The following SYNGR1 variants were observed in gnomAD, a reference collection of about 807,000 sequenced individuals.
SYNGR1 encodes the protein synaptogyrin 1, also known as synaptogyrin-1.
SYNGR1 carries 14 observed loss-of-function variants against 26.1 expected under a neutral mutation model. The observed-to-expected ratio is 0.54, with a 90% CI of 0.35 to 0.84. The LOEUF (loss-of-function observed/expected upper bound fraction) is 0.84, where lower values mean the gene tolerates loss of function less well. SYNGR1 is among the 40% of genes least tolerant of loss of function. The pLI, the probability that SYNGR1 is intolerant of heterozygous loss-of-function variation, is 0.01. For synonymous variants in SYNGR1, 141 were observed against 150.1 expected, an observed-to-expected ratio of 0.94 and a Z score of 0.44; for missense variants, 319 against 332.9, an observed-to-expected ratio of 0.96 and a Z score of 0.33.
At chr22:39,354,285 G>A (rs1459890270) in intron 1 of SYNGR1, among the ~76,000 whole-genome samples, 1 of 152,224 alleles carries the variant, frequency 6.6e-6, no homozygotes, top group African/African-American at 2.4e-5. Context: ...TAAGTGGGGT[G>A]GGTATCTTCC....
intron 1 of SYNGR1, among the ~76,000 whole-genome samples, chr22:39,359,215 C>G (rs909511909): frequency 2.6e-5 from 4 of 151,940 alleles, no homozygotes; most frequent in Admixed American, 2.0e-4. Flanking sequence ...CCTTCTGGTT[C>G]CTGAGGCCAC....
chr22:39,364,739 G>C (rs898150508), intron 1 of SYNGR1, among the ~76,000 whole-genome samples: 1 of 152,194 alleles, frequency 6.6e-6, no homozygotes, highest in East Asian at 1.9e-4. Context: ...GCTGCATAGG[G>C]TGGGGAGGGG....
intron 1 of SYNGR1, among the ~76,000 whole-genome samples, chr22:39,357,986 C>T (rs1924250909): frequency 6.6e-6 from 1 of 152,276 alleles, no homozygotes; most frequent in Admixed American, 6.5e-5. Context: ...GGAGTGCGAG[C>T]GCACGGCGCG....
intron 1 of SYNGR1, among the ~76,000 whole-genome samples, chr22:39,352,101 A>G (rs1923930962): frequency 6.6e-6 from 1 of 152,210 alleles, no homozygotes; most frequent in Admixed American, 6.5e-5. Flanking sequence ...GTGGCAGACG[A>G]GCATTTGAGC....
intron 1 of SYNGR1, among the ~76,000 whole-genome samples, chr22:39,355,519 T>TA (rs1487776754): frequency 1.1e-4 from 16 of 152,202 alleles, no homozygotes; most frequent in Non-Finnish European, 2.2e-4. Context: ...TGGGAGGTGA[T>TA]AGATTTCTGC....
chr22:39,380,387 GTCTTCGGTGACCCAGGCA>G (rs1280507673), intron 3 of SYNGR1, among the ~76,000 whole-genome samples: 3 of 152,086 alleles, frequency 2.0e-5, no homozygotes, highest in Non-Finnish European at 4.4e-5. Context: ...GGCTCCAGAG[GTCTTCGGTGACCCAGGCA>G]TCTTTCCTTT....
intron 1 of SYNGR1, among the ~76,000 whole-genome samples, chr22:39,360,860 G>A (rs1924438294): frequency 6.6e-6 from 1 of 152,248 alleles, no homozygotes; most frequent in African/African-American, 2.4e-5. Flanking sequence ...GCCTGGCAGA[G>A]CAGAGACGAG....
chr22:39,372,958 A>G (rs1199921380), intron 1 of SYNGR1, among the ~76,000 whole-genome samples: 1 of 152,026 alleles, frequency 6.6e-6, no homozygotes, highest in Non-Finnish European at 1.5e-5. Flanking sequence ...AGTGGGGGAG[A>G]AGAGGACGAG....
intron 1 of SYNGR1, among the ~76,000 whole-genome samples, chr22:39,365,964 G>A (rs143608034): frequency 7.0e-6 from 1 of 143,222 alleles, no homozygotes; most frequent in Non-Finnish European, 1.5e-5. Context: ...GATTACAGGC[G>A]TGAGCCACCG....
intron 1 of SYNGR1, among the ~76,000 whole-genome samples, chr22:39,361,019 C>T (rs571629148): frequency 5.8e-4 from 89 of 152,342 alleles, no homozygotes; most frequent in Non-Finnish European, 9.3e-4. Flanking sequence ...CTTCTAGCCA[C>T]GGTTCTTCAG....
intron 1 of SYNGR1, among the ~76,000 whole-genome samples, chr22:39,353,598 C>T (rs1214257544): frequency 6.6e-6 from 1 of 152,216 alleles, no homozygotes; most frequent in African/African-American, 2.4e-5. Flanking sequence ...GTAAGTGTCC[C>T]CTCCCCACCC....
rs769870712 is a variant in SYNGR1 at position 39,376,043 on chromosome 22, A to T, written c.338-9A>T. On this transcript the variant is annotated splice_polypyrimidine_tract_variant and intron_variant, in intron 2 of 3. Transcript: ENST00000328933. Reference sequence around the variant, plus strand: ...ACTGCCTATTCTGCCCGGTCCTGGGACCCCCCAGCCTTCTGGGCTTTCCTC... The same window carrying T: ...ACTGCCTATTCTGCCCGGTCCTGGGTCCCCCCAGCCTTCTGGGCTTTCCTC... 6.2e-7 allele frequency: 1 copy of T among 1,611,834 alleles called. No individual in the cohort carries two copies.
intron 1 of SYNGR1, among the ~76,000 whole-genome samples, chr22:39,362,140 G>A (rs1321167940): frequency 6.6e-6 from 1 of 151,810 alleles, no homozygotes; most frequent in Non-Finnish European, 1.5e-5. Context: ...GAGCCACCGT[G>A]CCCGGCCAAT....
In SYNGR1 at chr22:39,381,881, C is replaced by T. The variant is rs202067842; in HGVS notation, c.669C>T (p.Thr223=). 3.6e-5 allele frequency: 58 copies of T among 1,612,722 alleles called. No homozygotes were observed. The East Asian group carries it at 1.0e-3, about 28-fold the overall frequency. Residue 223 remains threonine (T), a synonymous_variant, in exon 4 of 4, where the codon ACC becomes ACT. Transcript: ENST00000328933. ...TYQQPANTFD[T]EPQGYQSQGY is the part of the protein sequence containing the mutation. ...AGCAGCCGGCCAACACCTTCGACAC[C>T]GAGCCCCAGGGCTACCAGTCGCAGG...
chr22:39,379,294 C>T (rs373088331), intron 3 of SYNGR1, among the ~76,000 whole-genome samples: 2 of 152,320 alleles, frequency 1.3e-5, no homozygotes, highest in East Asian at 3.9e-4. Context: ...ACCCACCTCC[C>T]AGAAAGTGCT....
chr22:39,369,135 T>C (rs926629946), intron 1 of SYNGR1, among the ~76,000 whole-genome samples: 1 of 152,236 alleles, frequency 6.6e-6, no homozygotes, highest in South Asian at 2.1e-4. Context: ...TCTGTTCTGG[T>C]TTGGTGGCAT....
Position 39,374,542 on chromosome 22 carries a change from T to C in SYNGR1, c.326T>C (p.Ile109Thr). ...CGCAAGAAAGCCGTCCTGTCCGACA[T>C]CGGTGTCTCGGGTGAGCCCCACCCA... Reference protein sequence around the residue: ...KDRKKAVLSDIGVSAFWAFLW... With the variant: ...KDRKKAVLSDTGVSAFWAFLW... The change falls in exon 2 of 4, where the codon ATC (isoleucine) becomes ACC (threonine). Residue 109 changes from isoleucine to threonine, a missense_variant. Ile to Thr is a moderately conservative substitution (Grantham distance 89, BLOSUM62 -1). Coordinates refer to ENST00000328933, the MANE Select transcript of SYNGR1 (RefSeq NM_004711.5). 1 of 1,613,272 alleles carries C rather than the reference T, an allele frequency of 6.2e-7. No homozygotes were observed. The highest frequency in any genetic ancestry group is 1.1e-5 in the South Asian group (1 of 91,066).
chr22:39,353,098 GTGATCCACC>G (rs1222030850), intron 1 of SYNGR1, among the ~76,000 whole-genome samples: 1 of 152,200 alleles, frequency 6.6e-6, no homozygotes, highest in Non-Finnish European at 1.5e-5. Context: ...CTGACCTCAG[GTGATCCACC>G]TGCCTTGGCC....
chr22:39,351,189 C>T (rs2145602027), intron 1 of SYNGR1, among the ~76,000 whole-genome samples: 1 of 152,294 alleles, frequency 6.6e-6, no homozygotes, highest in East Asian at 1.9e-4. Context: ...GGGGCCCGTT[C>T]CTTGTGGGCT....
Sources: gnomAD v4.1 joint callset for allele counts (sites outside exome capture counted in the v4.1 genomes callset) on GRCh38, gnomAD v4.1.1 for gene constraint, MANE v1.5 for transcripts, NCBI Gene and HGNC (gene_info 2026-07-23, HGNC 2026-07-21) for gene names.